The following SGCD variants were observed in gnomAD, a reference collection of about 807,000 sequenced individuals.
SGCD encodes sarcoglycan delta.
In SGCD, 18 loss-of-function variants were observed where a neutral mutation model predicts 36.6. That is an observed-to-expected ratio of 0.49 (90% confidence interval 0.34 to 0.73). SGCD has a LOEUF of 0.73. Among genes scored for constraint, SGCD ranks in the 30% least tolerant of loss-of-function variants. The pLI is 0.01. For synonymous variants in SGCD, 133 were observed against 130.6 expected (o/e 1.02, Z -0.12); for missense variants, 387 against 346.7 (o/e 1.12, Z -0.92).
chr5:156,518,868 T>A (rs915147510), intron 4 of SGCD, among the ~76,000 whole-genome samples: 16 of 152,244 alleles, frequency 1.1e-4, no homozygotes, highest in Non-Finnish European at 1.6e-4. Context: ...AAGAGGGAAA[T>A]TTATAGCACT....
chr5:155,772,657 G>A, the SGCD span, among the ~76,000 whole-genome samples: 1 of 152,138 alleles, frequency 6.6e-6, no homozygotes, highest in African/African-American at 2.4e-5. Context: ...AAGTTAGGTA[G>A]CAAGGTTTTA....
intron 6 of SGCD, among the ~76,000 whole-genome samples, chr5:156,609,921 T>C (rs1010399904): frequency 6.6e-6 from 1 of 152,200 alleles, no homozygotes; most frequent in Non-Finnish European, 1.5e-5. Flanking sequence ...CTTCTCTGCA[T>C]TGGTTATTCT....
chr5:156,622,249 A>G (rs1319393984), intron 6 of SGCD, among the ~76,000 whole-genome samples: 1 of 152,016 alleles, frequency 6.6e-6, no homozygotes, highest in Non-Finnish European at 1.5e-5. Flanking sequence ...CCTGACCAAC[A>G]TGGTGAAACT....
At chr5:155,975,311 TC>T (rs1758089274) in intron 1 of SGCD, among the ~76,000 whole-genome samples, 2 of 152,142 alleles carry the variant, frequency 1.3e-5, no homozygotes, top group Non-Finnish European at 2.9e-5. Flanking sequence ...TGGTTCTCAA[TC>T]AAGGACTATT....
intron 3 of SGCD, among the ~76,000 whole-genome samples, chr5:156,499,381 C>T (rs1756351702): frequency 6.6e-6 from 1 of 151,994 alleles, no homozygotes; most frequent in African/African-American, 2.4e-5. Context: ...ACTGAGCCCC[C>T]AAGATGAAAT....
intron 1 of SGCD, among the ~76,000 whole-genome samples, chr5:155,983,053 A>G (rs978872365): frequency 6.6e-6 from 1 of 152,158 alleles, no homozygotes; most frequent in Non-Finnish European, 1.5e-5. Flanking sequence ...AATTAGTGAG[A>G]TAATGCTTGT....
At chr5:155,893,847 T>C in intron 1 of SGCD, among the ~76,000 whole-genome samples, 1 of 152,246 alleles carries the variant, frequency 6.6e-6, no homozygotes, top group Non-Finnish European at 1.5e-5. Flanking sequence ...TATAGCCTAT[T>C]ACATGCGTAG....
intron 1 of SGCD, among the ~76,000 whole-genome samples, chr5:156,096,561 G>T (rs964697384): frequency 3.9e-5 from 6 of 152,142 alleles, no homozygotes; most frequent in Admixed American, 3.9e-4. Flanking sequence ...ACAATCCTTG[G>T]CCCAATCAGG....
intron 3 of SGCD, among the ~76,000 whole-genome samples, chr5:156,154,556 G>A (rs1000214671): frequency 6.6e-6 from 1 of 151,556 alleles, no homozygotes; most frequent in African/African-American, 2.4e-5. Flanking sequence ...ATCAGTAATA[G>A]CAATGGTAAT....
At chr5:156,132,743 C>T (rs1487261937) in intron 3 of SGCD, among the ~76,000 whole-genome samples, 9 of 152,086 alleles carry the variant, frequency 5.9e-5, no homozygotes, top group Non-Finnish European at 1.0e-4. Context: ...GCGGGGATTA[C>T]AGGCGTGAGC....
chr5:156,120,255 G>T (rs1187484464), intron 2 of SGCD, among the ~76,000 whole-genome samples: 2 of 152,038 alleles, frequency 1.3e-5, no homozygotes, highest in East Asian at 3.9e-4. Flanking sequence ...AGGTGTGTAG[G>T]GGTGGGAGGT....
chr5:155,891,916 A>C (rs1756141838), intron 1 of SGCD, among the ~76,000 whole-genome samples: 1 of 152,136 alleles, frequency 6.6e-6, no homozygotes, highest in Non-Finnish European at 1.5e-5. Context: ...ATTTCTCTTG[A>C]GAATTATAGA....
intron 1 of SGCD, among the ~76,000 whole-genome samples, chr5:156,050,577 G>A (rs1422250497): frequency 6.8e-6 from 1 of 146,236 alleles, no homozygotes; most frequent in Non-Finnish European, 1.5e-5. Context: ...AAACTATATA[G>A]CTCTCTTTAA....
intron 1 of SGCD, among the ~76,000 whole-genome samples, chr5:155,998,680 A>G (rs960374245): frequency 9.9e-5 from 15 of 152,206 alleles, no homozygotes; most frequent in African/African-American, 3.6e-4. Flanking sequence ...CATGCAGGAA[A>G]ATACGTGTGA....
chr5:156,541,593 A>G (rs921677071), intron 4 of SGCD, among the ~76,000 whole-genome samples: 2 of 152,178 alleles, frequency 1.3e-5, no homozygotes, highest in Admixed American at 1.3e-4. Flanking sequence ...AGTCTTGCCT[A>G]GGTCATAAAC....
At chr5:156,381,998 CAT>C (rs1457819264) in intron 3 of SGCD, among the ~76,000 whole-genome samples, 1 of 152,048 alleles carries the variant, frequency 6.6e-6, no homozygotes, top group Non-Finnish European at 1.5e-5. Flanking sequence ...TTATCATAAA[CAT>C]AATTTTTACA....
At chr5:156,365,967 A>G (rs1770078956) in intron 3 of SGCD, among the ~76,000 whole-genome samples, 1 of 152,244 alleles carries the variant, frequency 6.6e-6, no homozygotes, top group Non-Finnish European at 1.5e-5. Flanking sequence ...TTCTATACAT[A>G]AATCTCTGTA....
intron 2 of SGCD, among the ~76,000 whole-genome samples, chr5:156,331,816 T>C (rs1031788150): frequency 1.3e-5 from 2 of 152,216 alleles, no homozygotes; most frequent in African/African-American, 2.4e-5. Context: ...GGTTGTGATA[T>C]TGGCACTGTG....
At chr5:156,209,102 G>C (rs895178575) in intron 3 of SGCD, among the ~76,000 whole-genome samples, 1 of 151,968 alleles carries the variant, frequency 6.6e-6, no homozygotes, top group South Asian at 2.1e-4. Flanking sequence ...CACTAGACAG[G>C]CCCCCCACAG....
Sources: gnomAD v4.1 joint callset for allele counts (sites outside exome capture counted in the v4.1 genomes callset) on GRCh38, gnomAD v4.1.1 for gene constraint, MANE v1.5 for transcripts, NCBI Gene and HGNC (gene_info 2026-07-23, HGNC 2026-07-21) for gene names.